MAGI1: variants seen among roughly 807,000 people sequenced by gnomAD.
The protein encoded by MAGI1 is membrane associated guanylate kinase, WW and PDZ domain containing 1.
Under a neutral mutation model 139.9 loss-of-function variants are expected in MAGI1, and 58 were observed. The ratio of observed to expected loss-of-function variants is 0.41; its 90% confidence interval spans 0.34 to 0.52. MAGI1 has a LOEUF of 0.52. MAGI1 is among the 20% of genes least tolerant of loss of function. The pLI, the probability that MAGI1 is intolerant of heterozygous loss-of-function variation, is 0.12. For synonymous variants in MAGI1, 812 were observed against 737.9 expected, an observed-to-expected ratio of 1.10 and a Z score of -1.63; for missense variants, 1,874 against 1,901.6, an observed-to-expected ratio of 0.99 and a Z score of 0.27.
At chr3:65,586,069 C>T (rs1424207404) in intron 2 of MAGI1, among the ~76,000 whole-genome samples, 1 of 151,840 alleles carries the variant, frequency 6.6e-6, no homozygotes, top group Non-Finnish European at 1.5e-5. Context: ...ATTATCAGGG[C>T]GTTGGTGGCG....
intron 13 of MAGI1, among the ~76,000 whole-genome samples, chr3:65,393,341 C>G (rs986288363): frequency 6.6e-6 from 1 of 151,958 alleles, no homozygotes; most frequent in South Asian, 2.1e-4. Flanking sequence ...TTGTGTGAAC[C>G]TACATAACAA....
chr3:65,464,985 TTA>T (rs149677255), intron 5 of MAGI1, among the ~76,000 whole-genome samples: 17,931 of 146,152 alleles, frequency 0.12, 1,298 homozygotes, highest in Middle Eastern at 0.17. Context: ...TGCACACATT[TTA>T]TATATATATA....
intron 1 of MAGI1, among the ~76,000 whole-genome samples, chr3:65,710,366 C>T (rs988930153): frequency 1.3e-5 from 2 of 150,300 alleles, no homozygotes; most frequent in East Asian, 3.9e-4. Flanking sequence ...CCACAACCTC[C>T]GCCTCCCAGG....
At chr3:65,503,798 T>G (rs948343739) in intron 2 of MAGI1, among the ~76,000 whole-genome samples, 1 of 152,180 alleles carries the variant, frequency 6.6e-6, no homozygotes, top group Non-Finnish European at 1.5e-5. Context: ...GTTTTCATGA[T>G]CCTACTTCTA....
At chr3:65,449,741 C>G (rs1388362904) in intron 6 of MAGI1, among the ~76,000 whole-genome samples, 1 of 152,176 alleles carries the variant, frequency 6.6e-6, no homozygotes. Flanking sequence ...TGCCACCACA[C>G]TCCAGCCTGG....
intron 2 of MAGI1, among the ~76,000 whole-genome samples, chr3:65,515,880 C>G (rs1011853313): frequency 2.6e-5 from 4 of 152,196 alleles, no homozygotes; most frequent in Non-Finnish European, 4.4e-5. Context: ...TCAGGTTACA[C>G]AAATGCTGAA....
At chr3:65,683,657 G>GATAT (rs377247002) in intron 1 of MAGI1, among the ~76,000 whole-genome samples, 19,029 of 85,958 alleles carry the variant, frequency 0.22, 1,527 homozygotes, top group Non-Finnish European at 0.31. Flanking sequence ...GACTGAATAG[G>GATAT]ATATATATAT....
chr3:65,811,724 A>C (rs1343757156), intron 1 of MAGI1, among the ~76,000 whole-genome samples: 1 of 152,038 alleles, frequency 6.6e-6, no homozygotes, highest in Admixed American at 6.6e-5. Context: ...CAGAGCCAAG[A>C]CAGAGAGGTA....
At chr3:65,736,441 T>G (rs1480593969) in intron 1 of MAGI1, among the ~76,000 whole-genome samples, 2 of 152,158 alleles carry the variant, frequency 1.3e-5, no homozygotes, top group Non-Finnish European at 2.9e-5. Context: ...CATGACTGGC[T>G]CATGTGAATT....
At chr3:65,441,158 A>G (rs912889649) in intron 8 of MAGI1, among the ~76,000 whole-genome samples, 4 of 151,960 alleles carry the variant, frequency 2.6e-5, no homozygotes, top group Admixed American at 2.6e-4. Context: ...ATGGCGTTTC[A>G]CCATGTAGGC....
At chr3:65,421,274 A>G (rs1406015526) in intron 12 of MAGI1, among the ~76,000 whole-genome samples, 1 of 152,242 alleles carries the variant, frequency 6.6e-6, no homozygotes, top group East Asian at 1.9e-4. Context: ...AGGCTCCTTT[A>G]ATACCAAATT....
chr3:65,903,713 G>A (rs1408167627), intron 1 of MAGI1, among the ~76,000 whole-genome samples: 1 of 152,082 alleles, frequency 6.6e-6, no homozygotes, highest in African/African-American at 2.4e-5. Context: ...ATCAGGCACA[G>A]AAAATAATTC....
At chr3:66,021,233 G>A (rs762325496) in intron 1 of MAGI1, among the ~76,000 whole-genome samples, 3 of 152,108 alleles carry the variant, frequency 2.0e-5, no homozygotes, top group African/African-American at 2.4e-5. Flanking sequence ...ATGTGGCTAG[G>A]GAATAAAATA....
Position 65,363,607 on chromosome 3 carries a change from T to C in MAGI1, c.3353A>G (p.Glu1118Gly), listed in dbSNP as rs764813698. 6.2e-7 allele frequency: 1 copy of C among 1,612,598 alleles called. No homozygotes were observed. The highest frequency in any genetic ancestry group is 1.1e-5 in the South Asian group (1 of 90,852). ...FEFKAPQATQEQDFYTVELER... is the reference protein window; with the variant it reads ...FEFKAPQATQGQDFYTVELER... ...CAGTTCCACAGTGTAAAAATCTTGC[T>C]CCTATTTAAAGAAATTAAATGCAAT... The change falls in exon 21 of 23, where the codon GAG (glutamate) becomes GGG (glycine). Residue 1118 changes from glutamate (E) to glycine (G), a missense_variant and splice_region_variant. Glu to Gly is a moderately conservative substitution (Grantham distance 98, BLOSUM62 -2). Around this residue, in one of 5 missense-constraint regions of MAGI1, gnomAD observed 653 missense variants for 644.5 expected, o/e 1.01. Transcript: ENST00000402939.
intron 17 of MAGI1, among the ~76,000 whole-genome samples, chr3:65,377,496 T>C (rs1942643972): frequency 6.6e-6 from 1 of 152,232 alleles, no homozygotes; most frequent in African/African-American, 2.4e-5. Flanking sequence ...ATTCATTATA[T>C]AACACATAAC....
chr3:65,767,466 AAAAT>A (rs567194596), intron 1 of MAGI1, among the ~76,000 whole-genome samples: 1 of 152,112 alleles, frequency 6.6e-6, no homozygotes, highest in Non-Finnish European at 1.5e-5. Flanking sequence ...AGAAAAAAGA[AAAAT>A]AAATAAATAA....
chr3:65,360,567 G>A (rs1940738872), intron 22 of MAGI1: 1 of 984,812 alleles, frequency 1.0e-6, no homozygotes, highest in Non-Finnish European at 1.2e-6. Context: ...GATGAGCACT[G>A]GGAATTTATT....
At chr3:65,891,229 GGAAA>G (rs983446805) in intron 1 of MAGI1, among the ~76,000 whole-genome samples, 3 of 148,874 alleles carry the variant, frequency 2.0e-5, no homozygotes, top group Admixed American at 6.7e-5. Flanking sequence ...AAAAAAAAAA[GGAAA>G]GAAAGAAACC....
intron 2 of MAGI1, among the ~76,000 whole-genome samples, chr3:65,591,403 T>C (rs2106745306): frequency 1.3e-5 from 2 of 152,266 alleles, no homozygotes; most frequent in South Asian, 4.1e-4. Flanking sequence ...TCAAAATATA[T>C]ATAACCACTT....
Sources: allele counts gnomAD v4.1 joint callset (sites outside exome capture counted in the v4.1 genomes callset), GRCh38; gene constraint gnomAD v4.1.1; regional missense constraint gnomAD v4.1.1; transcripts MANE v1.5; gene names NCBI Gene and HGNC (gene_info 2026-07-23, HGNC 2026-07-21).